Variants in WDR43 observed in about 807,000 individuals in gnomAD.
The protein encoded by WDR43 is WD repeat-containing protein 43.
WDR43 carries 13 observed loss-of-function variants against 91.4 expected under a neutral mutation model. The observed-to-expected ratio is 0.14, with a 90% CI of 0.09 to 0.23. WDR43 has a LOEUF of 0.23. Among genes scored for constraint, WDR43 ranks in the 10% least tolerant of loss-of-function variants. The probability of loss-of-function intolerance (pLI) is 1.00; values close to 1 mark genes in which losing one functional copy is unlikely to be tolerated. For missense variants in WDR43, 780 were observed against 809.4 expected, an observed-to-expected ratio of 0.96 and a Z score of 0.44; for synonymous variants, 331 against 287.9, an observed-to-expected ratio of 1.15 and a Z score of -1.51.
intron 13 of WDR43, 115 bp from the exon 14 acceptor site, chr2:28,937,816 A>G (rs1225260880): frequency 2.1e-6 from 2 of 957,994 alleles, no homozygotes; most frequent in African/African-American, 1.6e-5. Flanking sequence ...TATTACAGTC[A>G]TTTTCACAGA....
At chr2:28,906,668 G>A (rs1572581995) in intron 3 of WDR43, 87 bp downstream of exon 3, 4 of 1,422,416 alleles carry the variant, frequency 2.8e-6, no homozygotes, top group East Asian at 5.2e-5. Flanking sequence ...TAAGGTTATA[G>A]GTTCCATTTA....
chr2:28,905,951 G>C (rs984164767), intron 2 of WDR43, among the ~76,000 whole-genome samples: 2 of 152,060 alleles, frequency 1.3e-5, no homozygotes, highest in Non-Finnish European at 2.9e-5. Flanking sequence ...GAGCCACCAC[G>C]CCTGCCCTGT....
chr2:28,912,504 G>A, intron 3 of WDR43, 86 bp from the exon 4 acceptor site: 1 of 1,499,948 alleles, frequency 6.7e-7, no homozygotes, highest in South Asian at 1.2e-5. Flanking sequence ...TTTAATGATT[G>A]TTCAGTTTGT....
intron 3 of WDR43, among the ~76,000 whole-genome samples, chr2:28,907,563 T>C (rs1670706345): frequency 6.7e-6 from 1 of 149,672 alleles, no homozygotes; most frequent in South Asian, 2.1e-4. Context: ...TAGTGAGCCA[T>C]GATTGTGCCA....
rs1572586297 is a variant in WDR43, at chr2:28,912,653, G to A, written c.549G>A (p.Leu183=). ...GTATCAGCCCAGATGGAAAGATGTT[G>A]CTTTCAGCTGGTCGAACAATCAAAC... ...SLCISPDGKM[L]LSAGRTIKLW... Residue 183 remains leucine (L), a synonymous_variant, in exon 4 of 18, where the codon TTG becomes TTA. Coordinates refer to ENST00000407426, the MANE Select transcript of WDR43 (RefSeq NM_015131.3). 8.7e-6 allele frequency: 14 copies of A among 1,613,838 alleles called. No homozygotes were observed. In the East Asian group the frequency reaches 2.9e-4, roughly 33 times the overall value.
chr2:28,944,667 A>G (rs1671508866), intron 16 of WDR43, among the ~76,000 whole-genome samples: 1 of 152,368 alleles, frequency 6.6e-6, no homozygotes, highest in South Asian at 2.1e-4. Flanking sequence ...GTTTGATTAC[A>G]AAACCAAGTC....
chr2:28,935,155 T>C (rs1225991006), intron 11 of WDR43, among the ~76,000 whole-genome samples: 1 of 152,204 alleles, frequency 6.6e-6, no homozygotes, highest in African/African-American at 2.4e-5. Flanking sequence ...TTTTACTGTT[T>C]TGCTCACTCT....
intron 12 of WDR43, among the ~76,000 whole-genome samples, chr2:28,936,018 T>TTA (rs1446987637): frequency 6.6e-6 from 1 of 152,226 alleles, no homozygotes; most frequent in African/African-American, 2.4e-5. Context: ...GAAACCATTT[T>TTA]TATATGTATT....
Position 28,901,909 on chromosome 2 carries a change from G to C in WDR43, c.226-78G>C, listed in dbSNP as rs1572579013. 5.1e-6 allele frequency: 7 copies of C among 1,370,066 alleles called. No individual in the cohort carries two copies. In the East Asian group the frequency reaches 1.8e-4, roughly 36 times the overall value. The allele number at this position is 1,370,066 out of a possible 1,614,324, so 84.9% of individuals were successfully genotyped here. On this transcript the variant is annotated intron_variant, in intron 1 of 17. Transcript: ENST00000407426. ...TTTAAAATGTCTTTTGTGGGCTGGT[G>C]GGCATTTGTATTTGTTCATTAACGA...
intron 3 of WDR43, among the ~76,000 whole-genome samples, chr2:28,908,574 T>C (rs9679395): frequency 0.91 from 137,793 of 152,114 alleles, 62,517 homozygotes; most frequent in Non-Finnish European, 0.93. Context: ...CACGTGTGCG[T>C]TTTATTGTAT....
intron 14 of WDR43, among the ~76,000 whole-genome samples, chr2:28,939,924 G>A (rs761211067): frequency 6.6e-6 from 1 of 151,828 alleles, no homozygotes; most frequent in Non-Finnish European, 1.5e-5. Context: ...TTTCTAACAC[G>A]GTGAAACCCC....
intron 1 of WDR43, among the ~76,000 whole-genome samples, chr2:28,896,965 T>A (rs890462972): frequency 2.6e-5 from 4 of 152,222 alleles, no homozygotes; most frequent in South Asian, 4.1e-4. Context: ...AATTGCATTT[T>A]AAAAAAACTG....
chr2:28,927,597 C>G lies in WDR43; in HGVS notation c.1202C>G (p.Ala401Gly). ...KVRTPVMNSE[A>G]KVLVPGIPGH... is the part of the protein sequence containing the mutation. ...AGGACACCAGTGATGAATTCTGAAG[C>G]AAAAGTTCTGGTGCCTGGGATTCCT... The change falls in exon 10 of 18, where the codon GCA (alanine) becomes GGA (glycine). Residue 401 changes from alanine to glycine, a missense_variant. Physicochemically the swap from Ala to Gly is moderately conservative, Grantham distance 60. Coordinates refer to ENST00000407426, the MANE Select transcript of WDR43 (RefSeq NM_015131.3). 6.2e-7 allele frequency: 1 copy of G among 1,613,786 alleles called. No homozygotes were observed. The highest frequency in any genetic ancestry group is 1.1e-5 in the South Asian group (1 of 91,070).
chr2:28,914,735 C>T (rs994682924), intron 5 of WDR43, among the ~76,000 whole-genome samples: 10 of 152,192 alleles, frequency 6.6e-5, no homozygotes, highest in African/African-American at 2.4e-4. Flanking sequence ...TCGAGATCAT[C>T]CTGGCCAACA....
chr2:28,901,958 A>G (rs1558367621), intron 1 of WDR43, 29 bp from the exon 2 acceptor site: 1 of 1,574,924 alleles, frequency 6.3e-7, no homozygotes, highest in Non-Finnish European at 8.6e-7. Flanking sequence ...GCAATACTAA[A>G]TAAAAACATT....
Position 28,917,929 on chromosome 2 carries a change from G to C in WDR43, c.783G>C (p.Val261=). 6.3e-7 allele frequency: 1 copy of C among 1,587,002 alleles called. No homozygotes were observed. The highest frequency in any genetic ancestry group is 8.6e-7 in the Non-Finnish European group (1 of 1,165,688). The change falls in exon 6 of 18, where the codon GTG becomes GTC. Residue 261 remains valine (V), a synonymous_variant. Coordinates refer to ENST00000407426, the MANE Select transcript of WDR43 (RefSeq NM_015131.3). ...VRSENKEKSA[V]MSFTVTDEPV... ...CAGAAAACAAAGAAAAGAGTGCAGT[G>C]ATGTCATTTACAGTTACCGATGAAC...
intron 3 of WDR43, among the ~76,000 whole-genome samples, chr2:28,910,700 T>TAA (rs367699060): frequency 4.0e-5 from 6 of 149,098 alleles, no homozygotes; most frequent in African/African-American, 1.5e-4. Flanking sequence ...TATATAATTA[T>TAA]TATTTTTATT....
At position 28,935,489 on chromosome 2, in the gene WDR43, C is replaced by T. The variant is rs181113399; in HGVS notation, c.1438-32C>T. 1.1e-3 allele frequency: 1,667 copies of T among 1,457,736 alleles called. 7 individuals are homozygous for T. The highest frequency in any genetic ancestry group is 9.3e-4 in the Non-Finnish European group (996 of 1,066,660). 90.3% of individuals were successfully genotyped at this position (1,457,736 alleles called of 1,614,324 possible). A position where few individuals can be genotyped will look rare whatever the true frequency, so the allele number is the denominator to read the frequency against. ...GTGATGTCCTTGGTTTGTCAGTATG[C>T]TCATCTTAATAATCCTTTTATTTTC... On this transcript the variant is annotated intron_variant, in intron 11 of 17. Transcript: ENST00000407426.
intron 2 of WDR43, among the ~76,000 whole-genome samples, chr2:28,905,662 TCTC>T (rs1283853821): frequency 3.3e-4 from 44 of 135,094 alleles, no homozygotes; most frequent in African/African-American, 1.1e-3. Flanking sequence ...TCTCTCTTCT[TCTC>T]TTTTTTTTTT....
Sources: gnomAD v4.1 joint callset for allele counts (sites outside exome capture counted in the v4.1 genomes callset) on GRCh38, gnomAD v4.1.1 for gene constraint, MANE v1.5 for transcripts, NCBI Gene and HGNC (gene_info 2026-07-23, HGNC 2026-07-21) for gene names.